Variants in SGSM1 observed in about 807,000 individuals in gnomAD.
SGSM1 encodes the protein RUN and TBC1 domain containing 2.
Under a neutral mutation model 133.8 loss-of-function variants are expected in SGSM1, and 73 were observed. That is an observed-to-expected ratio of 0.55 (90% confidence interval 0.45 to 0.66). The LOEUF (loss-of-function observed/expected upper bound fraction) is 0.66, where lower values mean the gene tolerates loss of function less well. Among genes scored for constraint, SGSM1 ranks in the 30% least tolerant of loss-of-function variants. The probability of loss-of-function intolerance (pLI) is 0.00; values close to 1 mark genes in which losing one functional copy is unlikely to be tolerated. For synonymous variants in SGSM1, 563 were observed against 573.0 expected (o/e 0.98, Z 0.25); for missense variants, 1,213 against 1,448.1 (o/e 0.84, Z 2.64).
At chr22:24,831,881 C>T (rs960720329) in intron 2 of SGSM1, among the ~76,000 whole-genome samples, 5 of 152,244 alleles carry the variant, frequency 3.3e-5, no homozygotes, top group Admixed American at 3.3e-4. Flanking sequence ...TGTTACCCTC[C>T]AGGTGCAGTG....
At position 24,855,534 on chromosome 22, in the gene SGSM1, G is replaced by A. The variant is rs183835448; in HGVS notation, c.670-15G>A. On this transcript the variant is annotated splice_polypyrimidine_tract_variant and intron_variant, in intron 7 of 24. Coordinates refer to ENST00000400358, the MANE Select transcript of SGSM1 (RefSeq NM_001098497.3). ...CCCAGGCCTCATCCCTCTGTCTCCCGTCACTCTCTACCAGATCCAGAAGAG... is the reference window on the plus strand; with the variant it reads ...CCCAGGCCTCATCCCTCTGTCTCCCATCACTCTCTACCAGATCCAGAAGAG... 302 of 1,613,664 alleles carry A rather than the reference G, an allele frequency of 1.9e-4. No individual in the cohort carries two copies. The highest frequency in any genetic ancestry group is 1.1e-3 in the Admixed American group (63 of 59,980).
intron 22 of SGSM1, 95 bp downstream of exon 22, chr22:24,912,847 A>T (rs1933684417): frequency 1.3e-6 from 1 of 759,132 alleles, no homozygotes; most frequent in African/African-American, 1.8e-5. Context: ...GCCCACCTGG[A>T]TTGGAATCCA....
chr22:24,862,378 G>T (rs556878055), intron 9 of SGSM1, among the ~76,000 whole-genome samples: 1 of 152,254 alleles, frequency 6.6e-6, no homozygotes, highest in African/African-American at 2.4e-5. Context: ...GCTGAGTCCA[G>T]ATCACACAAG....
chr22:24,865,307 C>A (rs927571642), intron 9 of SGSM1, among the ~76,000 whole-genome samples: 1 of 152,196 alleles, frequency 6.6e-6, no homozygotes, highest in African/African-American at 2.4e-5. Context: ...GATGGGCACA[C>A]AGGGCTGTGG....
At chr22:24,841,794 G>A (rs768928032) in intron 2 of SGSM1, among the ~76,000 whole-genome samples, 7 of 152,116 alleles carry the variant, frequency 4.6e-5, no homozygotes, top group East Asian at 1.9e-4. Flanking sequence ...ATGGAATCTC[G>A]CTCTATCGCC....
At chr22:24,882,295 CCT>C (rs1932376757) in intron 14 of SGSM1, among the ~76,000 whole-genome samples, 1 of 152,068 alleles carries the variant, frequency 6.6e-6, no homozygotes, top group African/African-American at 2.4e-5. Context: ...GTCTTGAACT[CCT>C]GGGCTCAACA....
chr22:24,887,183 G>A (rs1466088731), intron 16 of SGSM1, among the ~76,000 whole-genome samples: 4 of 111,410 alleles, frequency 3.6e-5, no homozygotes, highest in African/African-American at 3.5e-5. Context: ...CCATCACCAC[G>A]GCCAACATAC....
intron 22 of SGSM1, among the ~76,000 whole-genome samples, chr22:24,916,054 A>T (rs925087909): frequency 8.5e-4 from 128 of 151,230 alleles, no homozygotes; most frequent in African/African-American, 2.9e-3. Flanking sequence ...TTTTTTTTAT[A>T]AGAGTTTTGT....
chr22:24,922,282 G>T (rs1934038706), intron 24 of SGSM1, among the ~76,000 whole-genome samples: 1 of 144,966 alleles, frequency 6.9e-6, no homozygotes, highest in African/African-American at 2.6e-5. Context: ...TGGGATTCAC[G>T]CCATTCTCCT....
rs767923680 is a variant in SGSM1 at position 24,917,761 on chromosome 22, A to G, written c.3025+7A>G. On this transcript the variant is annotated splice_region_variant and intron_variant, in intron 23 of 24. Coordinates refer to ENST00000400358, the MANE Select transcript of SGSM1 (RefSeq NM_001098497.3). The stretch of plus-strand genomic sequence containing the variant: ...CTGCTGGATTTCAAGCGAGGTACAG[A>G]CTTTAAATTGGGGACCTGTGTCCAG... 1 of 1,611,392 alleles carries G rather than the reference A, an allele frequency of 6.2e-7. No individual in the cohort carries two copies. The highest frequency in any genetic ancestry group is 8.5e-7 in the Non-Finnish European group (1 of 1,178,086).
intron 9 of SGSM1, among the ~76,000 whole-genome samples, chr22:24,865,432 G>A (rs1023795150): frequency 2.1e-4 from 32 of 152,180 alleles, no homozygotes; most frequent in African/African-American, 7.7e-4. Flanking sequence ...AGTCTGGTGA[G>A]GCTGATTCTG....
chr22:24,845,766 C>G (rs753233107), intron 3 of SGSM1, among the ~76,000 whole-genome samples: 13 of 151,924 alleles, frequency 8.6e-5, no homozygotes, highest in Non-Finnish European at 1.3e-4. Flanking sequence ...CGCTGTGACC[C>G]GGGAGGCAAG....
At chr22:24,820,070 C>T (rs1012472561) in intron 2 of SGSM1, among the ~76,000 whole-genome samples, 2 of 152,012 alleles carry the variant, frequency 1.3e-5, no homozygotes, top group Non-Finnish European at 2.9e-5. Flanking sequence ...GGAGGCTGGC[C>T]AGTCTCCAGG....
At chr22:24,868,928 AC>A in intron 12 of SGSM1, 73 bp downstream of exon 12, 1 of 1,564,290 alleles carries the variant, frequency 6.4e-7, no homozygotes, top group Non-Finnish European at 8.7e-7. Context: ...GGTGTTTGAA[AC>A]TAGAAGATGA....
chr22:24,897,010 G>T (rs139731), intron 18 of SGSM1, among the ~76,000 whole-genome samples: 60,620 of 151,722 alleles, frequency 0.4, 14,070 homozygotes, highest in African/African-American at 0.65. Context: ...AATAAAATTA[G>T]GTACACATGG....
chr22:24,837,120 C>T (rs1929478217), intron 2 of SGSM1, among the ~76,000 whole-genome samples: 1 of 152,122 alleles, frequency 6.6e-6, no homozygotes, highest in Admixed American at 6.5e-5. Flanking sequence ...CCCGGGGGAC[C>T]ACTACCACCA....
In SGSM1 at chr22:24,879,536, G is replaced by C; in HGVS notation, c.1495+10G>C. On this transcript the variant is annotated intron_variant, in intron 14 of 24. Transcript: ENST00000400358. ...AGAGCCTTCTATGGATGTACGTATA[G>C]GGCTCCATTGCCAGTGTGTCTCCGT... The C allele has an allele frequency of 6.2e-7, 1 of 1,612,466 alleles. No homozygotes were observed.
At chr22:24,817,207 C>T (rs1928145215) in intron 2 of SGSM1, among the ~76,000 whole-genome samples, 1 of 152,200 alleles carries the variant, frequency 6.6e-6, no homozygotes, top group Non-Finnish European at 1.5e-5. Context: ...TGCCTTCCTA[C>T]AGTCCCGAGT....
At chr22:24,868,071 G>T (rs931601616) in intron 10 of SGSM1, among the ~76,000 whole-genome samples, 2 of 152,138 alleles carry the variant, frequency 1.3e-5, no homozygotes, top group East Asian at 3.9e-4. Flanking sequence ...ACTTGTAAAG[G>T]ATTCCTGAGG....
Sources: gnomAD v4.1 joint callset for allele counts (sites outside exome capture counted in the v4.1 genomes callset) on GRCh38, gnomAD v4.1.1 for gene constraint, MANE v1.5 for transcripts, NCBI Gene and HGNC (gene_info 2026-07-23, HGNC 2026-07-21) for gene names.